The following CPNE4 variants were observed in gnomAD, a reference collection of about 807,000 sequenced individuals.
CPNE4 encodes the protein copine 4.
In CPNE4, 25 loss-of-function variants were observed where a neutral mutation model predicts 67.9. That is an observed-to-expected ratio of 0.37 (90% CI 0.27 to 0.51). CPNE4 has a LOEUF of 0.51. CPNE4 is among the 20% of genes least tolerant of loss of function. The pLI, the probability that CPNE4 is intolerant of heterozygous loss-of-function variation, is 0.93. For synonymous variants in CPNE4, 242 were observed against 244.9 expected (o/e 0.99, Z 0.11); for missense variants, 464 against 690.8 (o/e 0.67, Z 3.68).
intron 1 of CPNE4, among the ~76,000 whole-genome samples, chr3:131,916,634 A>G (rs1021357713): frequency 3.3e-5 from 5 of 152,188 alleles, no homozygotes; most frequent in East Asian, 1.9e-4. Flanking sequence ...CAGGATAAAG[A>G]GCACAATCTC....
At chr3:131,540,040 C>G (rs904657124) in intron 15 of CPNE4, among the ~76,000 whole-genome samples, 2 of 152,196 alleles carry the variant, frequency 1.3e-5, no homozygotes, top group Non-Finnish European at 2.9e-5. Flanking sequence ...TAGTGCATCT[C>G]TTTCATTAAT....
At chr3:131,699,060 TTTTG>T (rs375089558) in intron 4 of CPNE4, among the ~76,000 whole-genome samples, 2 of 152,194 alleles carry the variant, frequency 1.3e-5, no homozygotes, top group Admixed American at 6.5e-5. Flanking sequence ...TTGCTTGTCT[TTTTG>T]TTTGTTTCTT....
intron 7 of CPNE4, among the ~76,000 whole-genome samples, chr3:131,615,560 T>G (rs1023388154): frequency 6.6e-6 from 1 of 152,190 alleles, no homozygotes; most frequent in African/African-American, 2.4e-5. Context: ...ATAGAATGAA[T>G]TGTAAAATAA....
At chr3:131,789,031 C>G (rs1249444181) in intron 2 of CPNE4, among the ~76,000 whole-genome samples, 1 of 147,582 alleles carries the variant, frequency 6.8e-6, no homozygotes, top group African/African-American at 2.5e-5. Context: ...CACACACACA[C>G]ACACAGAGAG....
chr3:131,823,317 A>G (rs1476480903), intron 2 of CPNE4, among the ~76,000 whole-genome samples: 1 of 152,210 alleles, frequency 6.6e-6, no homozygotes, highest in Non-Finnish European at 1.5e-5. Context: ...CACCGAATGA[A>G]TGTGTGGAAA....
intron 2 of CPNE4, among the ~76,000 whole-genome samples, chr3:131,874,036 C>T (rs550344392): frequency 7.2e-5 from 11 of 152,120 alleles, no homozygotes; most frequent in African/African-American, 2.2e-4. Context: ...AATTTTAAAA[C>T]TATTTCAGTG....
chr3:131,942,463 TGAGAGAGAGAGAGAGAGA>T (rs59277847), intron 1 of CPNE4, among the ~76,000 whole-genome samples: 3,018 of 70,882 alleles, frequency 0.043, 48 homozygotes, highest in East Asian at 0.081. Context: ...TGTGTGTGTG[TGAGAGAGAGAGAGAGAGA>T]GAGAGAGAGA....
At chr3:131,969,320 C>A (rs1247184276) in intron 1 of CPNE4, among the ~76,000 whole-genome samples, 1 of 152,010 alleles carries the variant, frequency 6.6e-6, no homozygotes, top group African/African-American at 2.4e-5. Context: ...ACATGTATAC[C>A]TATGTAACAA....
At chr3:131,759,186 C>T (rs1054488863) in intron 2 of CPNE4, among the ~76,000 whole-genome samples, 2 of 152,028 alleles carry the variant, frequency 1.3e-5, no homozygotes, top group Non-Finnish European at 2.9e-5. Flanking sequence ...AAGGAATGAA[C>T]GAGATGGATG....
chr3:131,692,807 A>G (rs1039005904), intron 5 of CPNE4, among the ~76,000 whole-genome samples: 1 of 152,198 alleles, frequency 6.6e-6, no homozygotes, highest in Non-Finnish European at 1.5e-5. Context: ...TTACTATTAC[A>G]TATGTGGAGA....
chr3:131,891,443 T>G (rs2088109800), intron 2 of CPNE4, among the ~76,000 whole-genome samples: 1 of 152,004 alleles, frequency 6.6e-6, no homozygotes, highest in African/African-American at 2.4e-5. Flanking sequence ...ACTTTTGAGT[T>G]CAGGGGTACA....
At chr3:131,717,294 G>A (rs988066122) in intron 3 of CPNE4, among the ~76,000 whole-genome samples, 1 of 151,770 alleles carries the variant, frequency 6.6e-6, no homozygotes, top group Non-Finnish European at 1.5e-5. Context: ...TCTGAAAGTG[G>A]AAAGAGATGT....
intron 2 of CPNE4, among the ~76,000 whole-genome samples, chr3:131,876,317 T>C (rs868675266): frequency 6.6e-6 from 1 of 151,862 alleles, no homozygotes; most frequent in Middle Eastern, 3.4e-3. Context: ...ATGCTCTTTA[T>C]TTTTTGTGAG....
At chr3:131,812,137 A>G (rs1240796188) in intron 2 of CPNE4, among the ~76,000 whole-genome samples, 1 of 152,006 alleles carries the variant, frequency 6.6e-6, no homozygotes, top group East Asian at 1.9e-4. Flanking sequence ...AGTCAAAATC[A>G]TCCAGGATTG....
At chr3:131,764,572 AT>A (rs2082963847) in intron 2 of CPNE4, among the ~76,000 whole-genome samples, 1 of 152,138 alleles carries the variant, frequency 6.6e-6, no homozygotes, top group South Asian at 2.1e-4. Flanking sequence ...ACATTCCCAC[AT>A]TCCTGCTAGC....
Position 131,660,982 on chromosome 3 carries a change from G to C in CPNE4, c.681+8693C>G, listed in dbSNP as rs561954438. On this transcript the variant is annotated intron_variant, in intron 7 of 15. Transcript: ENST00000429747. ...GATCCAAACAAAAATAAGTCCCTAA[G>C]ATATGGATGAGCCACAAGATAGAAG... Among the ~76,000 whole-genome samples, 10 of 152,248 alleles carry C rather than the reference G, an allele frequency of 6.6e-5. No homozygotes were observed. The South Asian group carries it at 2.1e-3, about 32-fold the overall frequency.
chr3:132,005,328 TATATATATATATATACACAC>T (rs1339444758), intron 1 of CPNE4, among the ~76,000 whole-genome samples: 15 of 21,872 alleles, frequency 6.9e-4, no homozygotes, highest in African/African-American at 2.1e-3. Context: ...TATATATATA[TATATATATATATATACACAC>T]ACACACACAC....
chr3:131,763,772 T>C (rs2082946530), intron 2 of CPNE4, among the ~76,000 whole-genome samples: 1 of 152,112 alleles, frequency 6.6e-6, no homozygotes, highest in Non-Finnish European at 1.5e-5. Flanking sequence ...CTTAACACTG[T>C]GTATGTTCTT....
chr3:131,754,349 G>T (rs901913217), intron 2 of CPNE4, among the ~76,000 whole-genome samples: 4 of 151,998 alleles, frequency 2.6e-5, no homozygotes, highest in African/African-American at 2.4e-5. Flanking sequence ...AGAAAAAAGA[G>T]GGTGGAACCA....
Sources: gnomAD v4.1 joint callset for allele counts (sites outside exome capture counted in the v4.1 genomes callset) on GRCh38, gnomAD v4.1.1 for gene constraint, MANE v1.5 for transcripts, NCBI Gene and HGNC (gene_info 2026-07-23, HGNC 2026-07-21) for gene names.